DOCK1: variants seen among roughly 807,000 people sequenced by gnomAD.
DOCK1 encodes dedicator of cytokinesis 1.
A neutral mutation model predicts 262.7 loss-of-function variants in DOCK1; 138 were observed. That is an observed-to-expected ratio of 0.53 (90% CI 0.46 to 0.61). The LOEUF (loss-of-function observed/expected upper bound fraction) is 0.61, where lower values mean the gene tolerates loss of function less well. Ranked by LOEUF, DOCK1 falls within the 20% of genes least tolerant of loss-of-function variation. The pLI is 0.00. For synonymous variants in DOCK1, 866 were observed against 867.4 expected (o/e 1.00, Z 0.03); for missense variants, 1,908 against 2,370.7 (o/e 0.80, Z 4.05).
At chr10:126,991,242 C>T (rs762767447) in intron 6 of DOCK1, among the ~76,000 whole-genome samples, 5 of 152,170 alleles carry the variant, frequency 3.3e-5, no homozygotes, top group Non-Finnish European at 5.9e-5. Context: ...TATGTTAGCA[C>T]GTGTTTTTTG....
intron 49 of DOCK1, among the ~76,000 whole-genome samples, chr10:127,442,984 C>T (rs545495821): frequency 3.9e-5 from 6 of 152,318 alleles, no homozygotes; most frequent in East Asian, 1.9e-4. Context: ...ACATGCTGGG[C>T]GGCTCCAACC....
intron 27 of DOCK1, among the ~76,000 whole-genome samples, chr10:127,226,122 T>C: frequency 6.6e-6 from 1 of 151,536 alleles, no homozygotes; most frequent in Non-Finnish European, 1.5e-5. Context: ...CATATGCTTC[T>C]CCTTAAGTGA....
At chr10:127,297,433 A>G (rs574218312) in intron 29 of DOCK1, among the ~76,000 whole-genome samples, 1 of 152,214 alleles carries the variant, frequency 6.6e-6, no homozygotes, top group East Asian at 1.9e-4. Flanking sequence ...GTGGGGACGC[A>G]TCGTCATGGG....
chr10:127,113,724 T>C (rs1303452708), intron 25 of DOCK1, among the ~76,000 whole-genome samples: 1 of 152,172 alleles, frequency 6.6e-6, no homozygotes, highest in East Asian at 1.9e-4. Flanking sequence ...AAGACAGCTC[T>C]GTGTGGTCCA....
At chr10:127,307,238 C>G (rs1282326151) in intron 29 of DOCK1, among the ~76,000 whole-genome samples, 1 of 152,206 alleles carries the variant, frequency 6.6e-6, no homozygotes, top group Non-Finnish European at 1.5e-5. Context: ...CTCCTTCCTG[C>G]TTTGGCCCAC....
intron 27 of DOCK1, among the ~76,000 whole-genome samples, chr10:127,184,356 T>G (rs184881082): frequency 8.2e-6 from 1 of 122,286 alleles, no homozygotes; most frequent in Non-Finnish European, 1.6e-5. Context: ...CACCATGCCC[T>G]ATTCGTTTTT....
intron 4 of DOCK1, among the ~76,000 whole-genome samples, chr10:126,982,315 T>C (rs913819326): frequency 3.9e-5 from 6 of 152,034 alleles, no homozygotes; most frequent in Admixed American, 3.9e-4. Context: ...CTGAGTCCCC[T>C]TTTTTTTGGG....
chr10:127,236,760 G>A (rs2059081314), intron 27 of DOCK1, among the ~76,000 whole-genome samples: 1 of 151,660 alleles, frequency 6.6e-6, no homozygotes, highest in African/African-American at 2.4e-5. Context: ...TCTGTATATG[G>A]TTTTGTGTTT....
In DOCK1 at chr10:127,404,369, G is replaced by A. The variant is rs534166444; in HGVS notation, c.4062G>A (p.Arg1354=). ...ATGAAAACATCGTCAAAGTGATCAG[G>A]CCCAAGCCTGACTATTTTGCTGTTG... The part of the protein sequence containing the change: ...QFYENIVKVI[R]PKPDYFAVGY... The change falls in exon 40 of 52, where the codon AGG becomes AGA. Residue 1354 remains arginine (R), a synonymous_variant. Coordinates refer to ENST00000623213, the MANE Select transcript of DOCK1 (RefSeq NM_001290223.2). 1 of 1,613,906 alleles carries A rather than the reference G, an allele frequency of 6.2e-7. No homozygotes were observed. The highest frequency in any genetic ancestry group is 1.3e-5 in the African/African-American group (1 of 75,052).
intron 29 of DOCK1, among the ~76,000 whole-genome samples, chr10:127,267,891 G>A (rs774434170): frequency 4.6e-5 from 7 of 152,176 alleles, no homozygotes; most frequent in East Asian, 1.9e-4. Context: ...GTGCTTTTAC[G>A]TCTAGAACAG....
chr10:127,358,801 G>T (rs1382586932), intron 32 of DOCK1, among the ~76,000 whole-genome samples: 1 of 152,160 alleles, frequency 6.6e-6, no homozygotes, highest in Admixed American at 6.5e-5. Context: ...TATGTTTAAT[G>T]TCCCAGATTT....
intron 25 of DOCK1, among the ~76,000 whole-genome samples, chr10:127,118,795 G>A (rs552199665): frequency 2.0e-5 from 3 of 152,196 alleles, no homozygotes; most frequent in Non-Finnish European, 4.4e-5. Context: ...CAGAAACACT[G>A]TACAGGCCAT....
intron 10 of DOCK1, among the ~76,000 whole-genome samples, chr10:127,008,437 T>C (rs1305609771): frequency 6.6e-6 from 1 of 152,206 alleles, no homozygotes; most frequent in Admixed American, 6.5e-5. Context: ...TAATGGAACA[T>C]TTTCCATCAT....
chr10:127,150,852 G>T (rs1457783308), intron 27 of DOCK1, among the ~76,000 whole-genome samples: 1 of 152,186 alleles, frequency 6.6e-6, no homozygotes, highest in Non-Finnish European at 1.5e-5. Context: ...CCACTTTAAA[G>T]ACAGGAAAAT....
intron 27 of DOCK1, among the ~76,000 whole-genome samples, chr10:127,194,262 C>T (rs2056945040): frequency 6.6e-6 from 1 of 152,172 alleles, no homozygotes; most frequent in East Asian, 1.9e-4. Flanking sequence ...CCAAATGCGC[C>T]TCTAATAAAA....
chr10:126,964,835 TTC>T (rs2037538481), intron 1 of DOCK1, among the ~76,000 whole-genome samples: 1 of 152,214 alleles, frequency 6.6e-6, no homozygotes, highest in African/African-American at 2.4e-5. Flanking sequence ...AATATTGTGT[TTC>T]TCTTTCTTAC....
intron 29 of DOCK1, among the ~76,000 whole-genome samples, chr10:127,301,960 AG>A (rs371765461): frequency 6.7e-6 from 1 of 149,652 alleles, no homozygotes; most frequent in Non-Finnish European, 1.5e-5. Flanking sequence ...AAAAAAAAAA[AG>A]AAAAAAAAAT....
rs555603665 is a variant in DOCK1, at chr10:127,416,288, T to A, written c.4515+1050T>A. 1.2e-4 allele frequency among the ~76,000 whole-genome samples: 18 copies of A among 152,350 alleles called. No individual in the cohort carries two copies. The East Asian group carries it at 2.1e-3, about 18-fold the overall frequency. On this transcript the variant is annotated intron_variant, in intron 44 of 51. Transcript: ENST00000623213. ...GACAGATAGAAGGCTGTGGGAGTTA[T>A]GTGTCAGGTGGTAAAAATGCACTCC...
At chr10:127,195,776 A>G (rs866573642) in intron 27 of DOCK1, among the ~76,000 whole-genome samples, 1 of 152,224 alleles carries the variant, frequency 6.6e-6, no homozygotes. Context: ...CGCCAGATGC[A>G]GTTGCATAAC....
Sources: allele counts gnomAD v4.1 joint callset (sites outside exome capture counted in the v4.1 genomes callset), GRCh38; gene constraint gnomAD v4.1.1; transcripts MANE v1.5; gene names NCBI Gene and HGNC (gene_info 2026-07-23, HGNC 2026-07-21).